The following CCDC7 variants were observed in gnomAD, a reference collection of about 807,000 sequenced individuals.
CCDC7 encodes coiled-coil domain-containing protein 7.
Under a neutral mutation model 196.9 loss-of-function variants are expected in CCDC7, and 183 were observed. That is an observed-to-expected ratio of 0.93 (90% confidence interval 0.82 to 1.05). The LOEUF (loss-of-function observed/expected upper bound fraction) is 1.05. Among genes scored for constraint, CCDC7 ranks in the 50% least tolerant of loss-of-function variants. The pLI is 0.00. For missense variants in CCDC7, 1,540 were observed against 1,482.2 expected (o/e 1.04, Z -0.64); for synonymous variants, 525 against 484.6 (o/e 1.08, Z -1.10).
chr10:32,468,950 G>A (rs541780615), intron 5 of CCDC7, among the ~76,000 whole-genome samples: 27 of 152,332 alleles, frequency 1.8e-4, no homozygotes, highest in Non-Finnish European at 3.8e-4. Flanking sequence ...AGAATATGGT[G>A]AGCTACACCA....
chr10:32,648,627 C>T (rs2068179381), intron 20 of CCDC7, among the ~76,000 whole-genome samples: 1 of 152,190 alleles, frequency 6.6e-6, no homozygotes, highest in Non-Finnish European at 1.5e-5. Flanking sequence ...TACACTCCCA[C>T]CAACAGTGGA....
chr10:32,502,530 T>C (rs1317226175), intron 9 of CCDC7, among the ~76,000 whole-genome samples: 1 of 152,160 alleles, frequency 6.6e-6, no homozygotes. Flanking sequence ...GTATCTGTTT[T>C]GATGCTAGGG....
intron 28 of CCDC7, among the ~76,000 whole-genome samples, chr10:32,750,621 C>A (rs2075512444): frequency 6.6e-6 from 1 of 152,134 alleles, no homozygotes; most frequent in South Asian, 2.1e-4. Context: ...TGATCTCCTG[C>A]CATGGTTCCA....
At chr10:32,484,001 A>G (rs985352973) in intron 8 of CCDC7, among the ~76,000 whole-genome samples, 9 of 152,176 alleles carry the variant, frequency 5.9e-5, no homozygotes, top group African/African-American at 2.2e-4. Context: ...TTCCATATGA[A>G]CTTTAAAGTA....
intron 31 of CCDC7, among the ~76,000 whole-genome samples, chr10:32,815,622 G>T (rs2088272157): frequency 6.6e-6 from 1 of 151,960 alleles, no homozygotes; most frequent in Non-Finnish European, 1.5e-5. Flanking sequence ...ATATTTACTA[G>T]GTAATATTAA....
chr10:32,701,758 G>A (rs1270090690), intron 24 of CCDC7, among the ~76,000 whole-genome samples: 1 of 152,056 alleles, frequency 6.6e-6, no homozygotes, highest in South Asian at 2.1e-4. Flanking sequence ...GGGTGTATGT[G>A]TTGAGGAATT....
At chr10:32,586,595 C>T (rs964845297) in intron 18 of CCDC7, among the ~76,000 whole-genome samples, 2 of 152,150 alleles carry the variant, frequency 1.3e-5, no homozygotes, top group African/African-American at 4.8e-5. Flanking sequence ...CTGCATATGG[C>T]TAGCCACTTT....
chr10:32,816,341 G>A (rs1190733294), intron 31 of CCDC7, among the ~76,000 whole-genome samples: 1 of 152,198 alleles, frequency 6.6e-6, no homozygotes, highest in East Asian at 1.9e-4. Flanking sequence ...CAGCCAGGAA[G>A]CTCAAACTGG....
At chr10:32,791,674 A>C (rs2082721216) in intron 29 of CCDC7, among the ~76,000 whole-genome samples, 1 of 151,816 alleles carries the variant, frequency 6.6e-6, no homozygotes, top group Non-Finnish European at 1.5e-5. Flanking sequence ...AAATGACTCT[A>C]TCAGAGAAGA....
intron 31 of CCDC7, among the ~76,000 whole-genome samples, chr10:32,821,543 C>G (rs1200669971): frequency 6.6e-6 from 1 of 152,102 alleles, no homozygotes; most frequent in Non-Finnish European, 1.5e-5. Context: ...TTCACAATAG[C>G]AAAGACTTGG....
chr10:32,558,290 A>T (rs188304709), intron 13 of CCDC7, among the ~76,000 whole-genome samples: 12 of 152,258 alleles, frequency 7.9e-5, no homozygotes, highest in African/African-American at 2.6e-4. Flanking sequence ...TTTCTTTAAT[A>T]TATAATTAAC....
chr10:32,756,214 C>T (rs984733259), intron 28 of CCDC7, among the ~76,000 whole-genome samples: 9 of 152,108 alleles, frequency 5.9e-5, no homozygotes, highest in Non-Finnish European at 1.0e-4. Flanking sequence ...TTTCCCCAAC[C>T]TAGCAAGGCA....
chr10:32,686,238 A>G (rs1483487844), intron 22 of CCDC7, among the ~76,000 whole-genome samples, 158 bp downstream of exon 23: 2 of 152,264 alleles, frequency 1.3e-5, no homozygotes, highest in African/African-American at 4.8e-5. Context: ...TAGAGTATTT[A>G]TCACTTGGCA....
exon 32 of CCDC7, chr10:32,824,570 A>G (rs757593351): frequency 4.3e-6 from 7 of 1,612,166 alleles, no homozygotes; most frequent in South Asian, 1.1e-5. Context: ...TAAATGATGC[A>G]ATTAAGACGC....
At chr10:32,534,752 G>A (rs188791234) in intron 11 of CCDC7, among the ~76,000 whole-genome samples, 38 of 152,186 alleles carry the variant, frequency 2.5e-4, no homozygotes, top group African/African-American at 8.7e-4. Flanking sequence ...TTCCTTCTAC[G>A]ATGTGGTCCT....
chr10:32,687,413 G>A (rs2076582796), intron 22 of CCDC7, among the ~76,000 whole-genome samples: 1 of 152,056 alleles, frequency 6.6e-6, no homozygotes, highest in Admixed American at 6.6e-5. Flanking sequence ...ATGTGATTGG[G>A]GATTCACACA....
intron 20 of CCDC7, among the ~76,000 whole-genome samples, chr10:32,640,859 ATTTTCTTTTTTT>A (rs1254793778): frequency 2.8e-5 from 2 of 72,130 alleles, no homozygotes; most frequent in Non-Finnish European, 5.4e-5. Flanking sequence ...TGGCTTGTAG[ATTTTCTTTTTTT>A]TTTTCTTTTT....
intron 18 of CCDC7, among the ~76,000 whole-genome samples, chr10:32,612,275 C>G (rs7916831): frequency 0.14 from 21,540 of 152,050 alleles, 1,873 homozygotes; most frequent in African/African-American, 0.25. Context: ...ATTTTGTATC[C>G]TGAGACTTTG....
intron 31 of CCDC7, among the ~76,000 whole-genome samples, chr10:32,816,196 G>T (rs908033086): frequency 1.3e-5 from 2 of 152,214 alleles, no homozygotes; most frequent in Non-Finnish European, 2.9e-5. Context: ...TATATCCTGC[G>T]CATGGCTCGG....
Sources: gnomAD v4.1 joint callset for allele counts (sites outside exome capture counted in the v4.1 genomes callset) on GRCh38, gnomAD v4.1.1 for gene constraint, MANE v1.5 for transcripts, NCBI Gene and HGNC (gene_info 2026-07-23, HGNC 2026-07-21) for gene names.